Variants in SLC13A3 observed in about 807,000 individuals in gnomAD.
The protein encoded by SLC13A3 is Na(+)/dicarboxylate cotransporter 3.
Under a neutral mutation model 59.0 loss-of-function variants are expected in SLC13A3, and 40 were observed. The ratio of observed to expected loss-of-function variants is 0.68; its 90% CI spans 0.53 to 0.88. The LOEUF (loss-of-function observed/expected upper bound fraction) is 0.88, where lower values mean the gene tolerates loss of function less well. Among genes scored for constraint, SLC13A3 ranks in the 40% least tolerant of loss-of-function variants. The pLI is 0.00. For missense variants in SLC13A3, 699 were observed against 783.2 expected, an observed-to-expected ratio of 0.89 and a Z score of 1.28; for synonymous variants, 317 against 330.3, an observed-to-expected ratio of 0.96 and a Z score of 0.44.
Position 46,563,520 on chromosome 20 carries a change from A to C in SLC13A3, c.1526T>G (p.Leu509Arg). The C allele has an allele frequency of 6.2e-7, 1 of 1,614,052 alleles. No individual in the cohort carries two copies. The highest frequency in any genetic ancestry group is 8.5e-7 in the Non-Finnish European group (1 of 1,179,994). ...AIRLRVHPLY[L>R]MIPGTVGCSF... ...GCAGCCGACTGTGCCCGGAATCATCAGATACAGGGGGTGCACTCTCAGGCG... is the reference window on the plus strand; with the variant it reads ...GCAGCCGACTGTGCCCGGAATCATCCGATACAGGGGGTGCACTCTCAGGCG... Residue 509 changes from leucine to arginine, a missense_variant, in exon 12 of 13, where the codon CTG becomes CGG. Transcript: ENST00000279027.
At chr20:46,660,804 T>A (rs2063025156) in intron 1 of SLC13A3, among the ~76,000 whole-genome samples, 1 of 152,184 alleles carries the variant, frequency 6.6e-6, no homozygotes, top group African/African-American at 2.4e-5. Context: ...TCTTACAAAT[T>A]TCAGACTCTT....
intron 1 of SLC13A3, among the ~76,000 whole-genome samples, chr20:46,645,992 G>C (rs1386833199): frequency 6.6e-6 from 1 of 152,186 alleles, no homozygotes; most frequent in African/African-American, 2.4e-5. Context: ...GATGTGAGTG[G>C]TATTTGGATG....
At chr20:46,633,984 C>A (rs1284697456) in intron 1 of SLC13A3, among the ~76,000 whole-genome samples, 3 of 152,222 alleles carry the variant, frequency 2.0e-5, no homozygotes, top group African/African-American at 7.2e-5. Flanking sequence ...GAGCCACGAT[C>A]CTACCATGGT....
intron 1 of SLC13A3, among the ~76,000 whole-genome samples, chr20:46,668,928 G>A (rs577170414): frequency 6.6e-6 from 1 of 152,312 alleles, no homozygotes; most frequent in Admixed American, 6.5e-5. Flanking sequence ...ATACTGTTCA[G>A]TAGACTGTGG....
chr20:46,626,123 GTCTCTCTC>G (rs997252516), intron 1 of SLC13A3, among the ~76,000 whole-genome samples: 2 of 89,620 alleles, frequency 2.2e-5, no homozygotes, highest in African/African-American at 1.3e-4. Context: ...CTCTCTCTCT[GTCTCTCTC>G]TCTCTCTGTC....
rs2062313127 is a variant in SLC13A3, at chr20:46,596,344, T to C, written c.609-2A>G. The C allele has an allele frequency of 6.2e-7, 1 of 1,613,646 alleles. No homozygotes were observed. The highest frequency in any genetic ancestry group is 8.5e-7 in the Non-Finnish European group (1 of 1,179,720). On this transcript the variant is annotated splice_acceptor_variant, in intron 4 of 12. Transcript: ENST00000279027. LOFTEE classifies it high-confidence loss of function. ...TCTGTCTCCCCAGGGTGGTCTTTGCTTTAAACAAATCCAAAGAGAAGCCAT... is the reference window on the plus strand; with the variant it reads ...TCTGTCTCCCCAGGGTGGTCTTTGCCTTAAACAAATCCAAAGAGAAGCCAT...
chr20:46,674,028 C>T (rs575842279), upstream of SLC13A3, among the ~76,000 whole-genome samples: 1 of 152,290 alleles, frequency 6.6e-6, no homozygotes, highest in African/African-American at 2.4e-5. Context: ...GTGAAATACA[C>T]AGCATGTCAC....
At chr20:46,635,689 G>C (rs1206022042) in intron 1 of SLC13A3, among the ~76,000 whole-genome samples, 5 of 152,196 alleles carry the variant, frequency 3.3e-5, no homozygotes, top group African/African-American at 1.2e-4. Flanking sequence ...ATGAGGCTGA[G>C]ACCTGCTGGG....
intron 1 of SLC13A3, among the ~76,000 whole-genome samples, chr20:46,663,165 T>C (rs1409902049): frequency 6.6e-6 from 1 of 152,026 alleles, no homozygotes; most frequent in Admixed American, 6.6e-5. Context: ...TCACCCTAGC[T>C]GGGTGCAGTG....
intron 4 of SLC13A3, among the ~76,000 whole-genome samples, chr20:46,598,609 C>T (rs2062339956): frequency 6.6e-6 from 1 of 152,194 alleles, no homozygotes; most frequent in Non-Finnish European, 1.5e-5. Context: ...TCACAGAACT[C>T]ATGTCTCAAA....
intron 1 of SLC13A3, among the ~76,000 whole-genome samples, chr20:46,624,889 G>A (rs2062652477): frequency 6.6e-6 from 1 of 152,112 alleles, no homozygotes; most frequent in Non-Finnish European, 1.5e-5. Context: ...CCCTAAGGGA[G>A]TTCCCATATA....
chr20:46,607,351 T>A (rs2062446055), intron 3 of SLC13A3, among the ~76,000 whole-genome samples: 1 of 152,170 alleles, frequency 6.6e-6, no homozygotes, highest in Non-Finnish European at 1.5e-5. Context: ...GTGCCTCTCC[T>A]AGCCCACTGG....
chr20:46,610,345 T>C (rs2062481753), intron 3 of SLC13A3, 101 bp downstream of exon 3: 3 of 1,118,582 alleles, frequency 2.7e-6, no homozygotes, highest in Admixed American at 2.4e-5. Flanking sequence ...AGGTGCTCAA[T>C]AAGTGTGCAT....
chr20:46,609,823 C>T (rs1194431955), intron 3 of SLC13A3, among the ~76,000 whole-genome samples: 2 of 152,156 alleles, frequency 1.3e-5, no homozygotes, highest in East Asian at 1.9e-4. Flanking sequence ...CCACAGAGAG[C>T]GCTACAGTGA....
chr20:46,600,544 G>A, intron 3 of SLC13A3: 3 of 410,886 alleles, frequency 7.3e-6, no homozygotes, highest in Non-Finnish European at 5.3e-6. Context: ...CAGGGGTTTA[G>A]CTGCAGGGCT....
upstream of SLC13A3, among the ~76,000 whole-genome samples, chr20:46,656,077 CAT>C (rs902115323): frequency 1.4e-5 from 2 of 141,596 alleles, no homozygotes; most frequent in Non-Finnish European, 1.5e-5. Flanking sequence ...ACTATATATA[CAT>C]ATATATTATA....
chr20:46,658,971 C>T (rs902075632), intron 1 of SLC13A3, among the ~76,000 whole-genome samples: 3 of 152,136 alleles, frequency 2.0e-5, no homozygotes, highest in African/African-American at 7.2e-5. Flanking sequence ...ATTTAAATAG[C>T]CACAATAGTT....
chr20:46,666,953 A>G (rs1600630319), intron 1 of SLC13A3, among the ~76,000 whole-genome samples: 1 of 152,238 alleles, frequency 6.6e-6, no homozygotes, highest in African/African-American at 2.4e-5. Context: ...GCAAAATTCC[A>G]AAAATTTGAG....
chr20:46,597,862 C>T (rs985227034), intron 4 of SLC13A3, among the ~76,000 whole-genome samples: 2 of 152,108 alleles, frequency 1.3e-5, no homozygotes, highest in African/African-American at 4.8e-5. Flanking sequence ...TATTTTTTGA[C>T]ATATGCAATT....
Sources: allele counts gnomAD v4.1 joint callset (sites outside exome capture counted in the v4.1 genomes callset), GRCh38; gene constraint gnomAD v4.1.1; transcripts MANE v1.5; gene names NCBI Gene and HGNC (gene_info 2026-07-23, HGNC 2026-07-21).